The following TOX variants were observed in gnomAD, a reference collection of about 807,000 sequenced individuals.
TOX encodes thymocyte selection-associated high mobility group box protein TOX.
In TOX, 11 loss-of-function variants were observed where a neutral mutation model predicts 53.7. The observed-to-expected ratio is 0.20, with a 90% CI of 0.13 to 0.34. The LOEUF is 0.34. Ranked by LOEUF, TOX falls within the 10% of genes least tolerant of loss-of-function variation. The probability of loss-of-function intolerance (pLI) is 1.00; values close to 1 mark genes in which losing one functional copy is unlikely to be tolerated. For synonymous variants in TOX, 225 were observed against 245.3 expected (o/e 0.92, Z 0.77); for missense variants, 570 against 664.6 (o/e 0.86, Z 1.56).
intron 1 of TOX, among the ~76,000 whole-genome samples, chr8:59,110,554 T>A (rs1804996863): frequency 6.6e-6 from 1 of 152,116 alleles, no homozygotes; most frequent in South Asian, 2.1e-4. Flanking sequence ...GACCCATATA[T>A]CAGAGGAAGG....
chr8:59,107,606 A>G (rs1389022607), intron 1 of TOX, among the ~76,000 whole-genome samples: 1 of 152,186 alleles, frequency 6.6e-6, no homozygotes, highest in Non-Finnish European at 1.5e-5. Context: ...TTGCTAATGA[A>G]TGTTACACAC....
chr8:59,099,554 A>G (rs1004777105), intron 1 of TOX, among the ~76,000 whole-genome samples: 3 of 152,230 alleles, frequency 2.0e-5, no homozygotes, highest in African/African-American at 7.2e-5. Context: ...GAAATTTCTG[A>G]ACATTTGACA....
At chr8:59,059,986 C>T (rs969114831) in intron 1 of TOX, among the ~76,000 whole-genome samples, 19 of 151,552 alleles carry the variant, frequency 1.3e-4, no homozygotes, top group African/African-American at 3.9e-4. Context: ...GTATGCTTAT[C>T]TTTTTATCTT....
At chr8:58,872,145 G>C (rs1811209485) in intron 3 of TOX, among the ~76,000 whole-genome samples, 1 of 151,998 alleles carries the variant, frequency 6.6e-6, no homozygotes, top group Non-Finnish European at 1.5e-5. Context: ...GTGAGTGTTT[G>C]CTAGAAAAAT....
At chr8:58,890,681 T>C (rs1250357099) in intron 3 of TOX, among the ~76,000 whole-genome samples, 1 of 152,072 alleles carries the variant, frequency 6.6e-6, no homozygotes, top group Non-Finnish European at 1.5e-5. Flanking sequence ...TAGGAGGAGA[T>C]ACTTGGTGTA....
intron 1 of TOX, among the ~76,000 whole-genome samples, chr8:58,998,320 C>T (rs1275377171): frequency 6.6e-6 from 1 of 150,550 alleles, no homozygotes; most frequent in Admixed American, 6.6e-5. Context: ...GAAACCCCAC[C>T]TCTACTAAAA....
chr8:59,047,421 G>T (rs1803710759), intron 1 of TOX, among the ~76,000 whole-genome samples: 1 of 151,220 alleles, frequency 6.6e-6, no homozygotes. Flanking sequence ...TAGAGACGGG[G>T]TTTCACCTTG....
At chr8:59,003,338 T>C (rs1813728868) in intron 1 of TOX, among the ~76,000 whole-genome samples, 2 of 152,242 alleles carry the variant, frequency 1.3e-5, no homozygotes, top group Admixed American at 1.3e-4. Context: ...CAAGAAAATA[T>C]TGTGTTACTA....
chr8:58,984,946 A>G (rs139215074), intron 1 of TOX, among the ~76,000 whole-genome samples: 5,161 of 151,526 alleles, frequency 0.034, 245 homozygotes, highest in South Asian at 0.1. Context: ...TTACCATATG[A>G]CCTAGTAATT....
chr8:59,082,240 T>C (rs554765956), intron 1 of TOX, among the ~76,000 whole-genome samples: 1 of 152,380 alleles, frequency 6.6e-6, no homozygotes, highest in African/African-American at 2.4e-5. Context: ...GGACCACTAA[T>C]GCCTTAAAGT....
At chr8:59,082,451 T>G (rs1301586687) in intron 1 of TOX, among the ~76,000 whole-genome samples, 3 of 152,270 alleles carry the variant, frequency 2.0e-5, no homozygotes, top group Non-Finnish European at 4.4e-5. Context: ...AGTATGACTG[T>G]GCAGCTAGAA....
intron 1 of TOX, among the ~76,000 whole-genome samples, chr8:59,068,198 T>C (rs1804129141): frequency 6.6e-6 from 1 of 152,192 alleles, no homozygotes; most frequent in Non-Finnish European, 1.5e-5. Context: ...TTTAAGGAAA[T>C]ATGCTCATTA....
intron 3 of TOX, among the ~76,000 whole-genome samples, chr8:58,880,991 T>G (rs1173800996): frequency 6.6e-6 from 1 of 151,976 alleles, no homozygotes; most frequent in Non-Finnish European, 1.5e-5. Flanking sequence ...GCAGGCCTCC[T>G]ATATAGGAGG....
chr8:58,990,350 T>G (rs1813418307), intron 1 of TOX, among the ~76,000 whole-genome samples: 1 of 152,120 alleles, frequency 6.6e-6, no homozygotes, highest in Non-Finnish European at 1.5e-5. Flanking sequence ...CTGGATAGCA[T>G]GAAATACTCT....
intron 7 of TOX, among the ~76,000 whole-genome samples, chr8:58,810,583 G>A (rs1810061244): frequency 6.6e-6 from 1 of 151,920 alleles, no homozygotes; most frequent in Non-Finnish European, 1.5e-5. Context: ...CAATTCCTGG[G>A]TTAAAGCGAT....
intron 1 of TOX, among the ~76,000 whole-genome samples, chr8:59,044,873 A>G (rs542317896): frequency 4.6e-5 from 7 of 152,248 alleles, no homozygotes; most frequent in Non-Finnish European, 1.0e-4. Flanking sequence ...GGAAAAACCA[A>G]CAGATTAATC....
At chr8:59,051,976 A>G (rs1232482226) in intron 1 of TOX, among the ~76,000 whole-genome samples, 2 of 152,158 alleles carry the variant, frequency 1.3e-5, no homozygotes, top group Non-Finnish European at 2.9e-5. Context: ...TTGACTCTCT[A>G]CTTTGTCTTT....
chr8:58,871,365 A>G (rs766375225), intron 3 of TOX, among the ~76,000 whole-genome samples: 7 of 152,136 alleles, frequency 4.6e-5, no homozygotes, highest in Non-Finnish European at 7.4e-5. Flanking sequence ...AAACCTTTAG[A>G]ACTTAACCTC....
chr8:58,931,558 T>C (rs1389959325), intron 3 of TOX, among the ~76,000 whole-genome samples: 1 of 152,176 alleles, frequency 6.6e-6, no homozygotes, highest in Non-Finnish European at 1.5e-5. Context: ...TTAACTTTAA[T>C]AAGGAACTTC....
Sources: gnomAD v4.1 joint callset for allele counts (sites outside exome capture counted in the v4.1 genomes callset) on GRCh38, gnomAD v4.1.1 for gene constraint, MANE v1.5 for transcripts, NCBI Gene and HGNC (gene_info 2026-07-23, HGNC 2026-07-21) for gene names.